SLC24A3: variants seen among roughly 807,000 people sequenced by gnomAD.
The protein encoded by SLC24A3 is solute carrier family 24 member 3.
SLC24A3 carries 28 observed loss-of-function variants against 75.8 expected under a neutral mutation model. The ratio of observed to expected loss-of-function variants is 0.37; its 90% CI spans 0.27 to 0.51. The LOEUF is 0.51. Among genes scored for constraint, SLC24A3 ranks in the 20% least tolerant of loss-of-function variants. The pLI is 0.94. For synonymous variants in SLC24A3, 372 were observed against 334.1 expected, an observed-to-expected ratio of 1.11 and a Z score of -1.24; for missense variants, 663 against 847.8, an observed-to-expected ratio of 0.78 and a Z score of 2.71.
intron 2 of SLC24A3, among the ~76,000 whole-genome samples, chr20:19,461,929 T>C (rs1300823872): frequency 6.6e-6 from 1 of 152,216 alleles, no homozygotes; most frequent in Non-Finnish European, 1.5e-5. Context: ...AAGTAAAGTC[T>C]CTCAGGTTAA....
chr20:19,355,436 C>G (rs1985661907), intron 2 of SLC24A3, among the ~76,000 whole-genome samples: 1 of 152,168 alleles, frequency 6.6e-6, no homozygotes. Context: ...TCTCCATCTG[C>G]TAAGATAAAC....
chr20:19,343,290 G>A (rs553273891), intron 2 of SLC24A3, among the ~76,000 whole-genome samples: 1 of 152,096 alleles, frequency 6.6e-6, no homozygotes, highest in South Asian at 2.1e-4. Context: ...CACAACCTGA[G>A]TTTGAGTCTT....
chr20:19,452,134 C>T (rs1987493475), intron 2 of SLC24A3, among the ~76,000 whole-genome samples: 1 of 152,146 alleles, frequency 6.6e-6, no homozygotes, highest in South Asian at 2.1e-4. Context: ...TAAGGCTTAT[C>T]CCACAAGTGC....
At chr20:19,289,714 C>G (rs533315198) in intron 2 of SLC24A3, among the ~76,000 whole-genome samples, 5 of 140,746 alleles carry the variant, frequency 3.6e-5, no homozygotes, top group East Asian at 3.9e-4. Flanking sequence ...GTCTCTACTC[C>G]CTGGGGTTCA....
chr20:19,623,519 A>G (rs2031831381), intron 6 of SLC24A3, among the ~76,000 whole-genome samples: 2 of 152,188 alleles, frequency 1.3e-5, no homozygotes, highest in African/African-American at 4.8e-5. Flanking sequence ...AATGCCATCT[A>G]GAATTCTGCT....
chr20:19,473,738 G>A (rs970926355), intron 2 of SLC24A3, among the ~76,000 whole-genome samples: 1 of 152,188 alleles, frequency 6.6e-6, no homozygotes, highest in Non-Finnish European at 1.5e-5. Flanking sequence ...AGAGGGTCTG[G>A]CCACTGCTAT....
chr20:19,469,205 T>A (rs2122504609), intron 2 of SLC24A3, among the ~76,000 whole-genome samples: 1 of 151,970 alleles, frequency 6.6e-6, no homozygotes, highest in South Asian at 2.1e-4. Flanking sequence ...AGGATGTGCA[T>A]GGGGCAGGCA....
At chr20:19,369,194 C>G (rs532536704) in intron 2 of SLC24A3, among the ~76,000 whole-genome samples, 2 of 152,122 alleles carry the variant, frequency 1.3e-5, no homozygotes, top group African/African-American at 4.8e-5. Flanking sequence ...AGTGGAGGAA[C>G]CTGGCCGCCT....
At chr20:19,487,749 T>A (rs1988149697) in intron 2 of SLC24A3, among the ~76,000 whole-genome samples, 1 of 152,212 alleles carries the variant, frequency 6.6e-6, no homozygotes, top group Non-Finnish European at 1.5e-5. Context: ...AATATCCCAG[T>A]GAATTTACAG....
chr20:19,449,986 CAG>C (rs1987453692), intron 2 of SLC24A3, among the ~76,000 whole-genome samples: 1 of 151,910 alleles, frequency 6.6e-6, no homozygotes, highest in Admixed American at 6.6e-5. Context: ...TTTCAAGAAA[CAG>C]AGCTATGGTG....
chr20:19,698,439 C>T, intron 14 of SLC24A3, 129 bp from the exon 15 acceptor site: 2 of 604,272 alleles, frequency 3.3e-6, no homozygotes, highest in South Asian at 4.3e-5. Context: ...TGGGTGATGG[C>T]CTTGAAAGAG....
At chr20:19,260,909 CATTGGAGAGG>C (rs1314317562) in intron 1 of SLC24A3, among the ~76,000 whole-genome samples, 2 of 152,206 alleles carry the variant, frequency 1.3e-5, no homozygotes, top group African/African-American at 4.8e-5. Context: ...GACAGCCTGT[CATTGGAGAGG>C]ATGGGATCAG....
chr20:19,280,854 C>T (rs1983639288), intron 1 of SLC24A3, 105 bp from the exon 2 acceptor site: 12 of 1,469,348 alleles, frequency 8.2e-6, no homozygotes, highest in South Asian at 2.7e-5. Context: ...GGGGTGCAGG[C>T]GGGGCTGAAC....
chr20:19,403,002 T>C (rs1357743276), intron 2 of SLC24A3, among the ~76,000 whole-genome samples: 8 of 152,206 alleles, frequency 5.3e-5, no homozygotes, highest in Non-Finnish European at 7.3e-5. Flanking sequence ...ACTGTAATTA[T>C]AATTAACCAT....
At chr20:19,273,597 G>A (rs1319714738) in intron 1 of SLC24A3, among the ~76,000 whole-genome samples, 1 of 152,112 alleles carries the variant, frequency 6.6e-6, no homozygotes, top group South Asian at 2.1e-4. Flanking sequence ...CAGTAACTCA[G>A]ACTCCAGGGT....
intron 2 of SLC24A3, among the ~76,000 whole-genome samples, chr20:19,472,467 A>G (rs1179947961): frequency 1.3e-5 from 2 of 152,210 alleles, no homozygotes; most frequent in African/African-American, 4.8e-5. Context: ...TGATAATGAC[A>G]ATGCCAGTGA....
chr20:19,212,868 G>T lies in SLC24A3; in HGVS notation c.26G>T (p.Arg9Leu). Residue 9 changes from arginine to leucine, a missense_variant, in exon 1 of 17, where the codon CGC becomes CTC. By Grantham distance (102) the Arg-to-Leu change is moderately radical (BLOSUM62 -2). Around this residue, in one of 2 missense-constraint regions of SLC24A3, gnomAD observed 153 missense variants for 144.2 expected, o/e 1.06. Transcript: ENST00000328041. ...ATGCGGCCGTCCGGCGACGAGGACC[G>T]CGCGCGTCGCCGCCGCCGCCGCCGC... MRPSGDEDRARRRRRRRRR... is the reference protein window; with the variant it reads MRPSGDEDLARRRRRRRRR... 8.1e-7 allele frequency: 1 copy of T among 1,236,400 alleles called. No homozygotes were observed. Among genetic ancestry groups the T allele is most frequent in the Non-Finnish European group, 1.0e-6 (1 of 983,836 alleles). 76.6% of individuals were successfully genotyped at this position (1,236,400 alleles called of 1,614,324 possible).
At chr20:19,242,112 T>A (rs1982348180) in intron 1 of SLC24A3, among the ~76,000 whole-genome samples, 5 of 152,122 alleles carry the variant, frequency 3.3e-5, no homozygotes, top group Admixed American at 3.3e-4. Context: ...GAATGTTAAG[T>A]TTTGAGAATA....
At chr20:19,298,594 A>T (rs1984116094) in intron 2 of SLC24A3, among the ~76,000 whole-genome samples, 1 of 152,228 alleles carries the variant, frequency 6.6e-6, no homozygotes. Flanking sequence ...GGAAGGAAAG[A>T]TGAAGCTCAA....
Sources: allele counts gnomAD v4.1 joint callset (sites outside exome capture counted in the v4.1 genomes callset), GRCh38; gene constraint gnomAD v4.1.1; regional missense constraint gnomAD v4.1.1; transcripts MANE v1.5; gene names NCBI Gene and HGNC (gene_info 2026-07-23, HGNC 2026-07-21).